CHST3: variants seen among roughly 807,000 people sequenced by gnomAD.
CHST3 encodes carbohydrate sulfotransferase 3.
CHST3 carries 20 observed loss-of-function variants against 35.4 expected under a neutral mutation model. The ratio of observed to expected loss-of-function variants is 0.57; its 90% CI spans 0.40 to 0.82. The LOEUF is 0.82. CHST3 is among the 40% of genes least tolerant of loss of function. CHST3 has a pLI of 0.00. For missense variants in CHST3, 693 were observed against 670.1 expected, an observed-to-expected ratio of 1.03 and a Z score of -0.38; for synonymous variants, 334 against 295.9, an observed-to-expected ratio of 1.13 and a Z score of -1.32.
Position 72,008,472 on chromosome 10 carries a change from G to T in CHST3, c.*1G>T, listed in dbSNP as rs995350964. The T allele has an allele frequency of 5.2e-6, 8 of 1,533,312 alleles. No homozygotes were observed. The highest frequency in any genetic ancestry group is 1.2e-5 in the South Asian group (1 of 81,226). 95.0% of individuals were successfully genotyped at this position (1,533,312 alleles called of 1,614,324 possible). ...GAGGGGCACCTTCTGGGTCACGTAG[G>T]GGGGCCGGGGCCCCGTATGCCCCTC... On this transcript the variant is annotated 3_prime_UTR_variant, in exon 3 of 3. Coordinates refer to ENST00000373115, the MANE Select transcript of CHST3 (RefSeq NM_004273.5).
chr10:71,996,898 G>GTTGGT (rs1839944709), intron 1 of CHST3, among the ~76,000 whole-genome samples: 1 of 151,958 alleles, frequency 6.6e-6, no homozygotes, highest in African/African-American at 2.4e-5. Flanking sequence ...TCCTGGGTTG[G>GTTGGT]TTGGTTTGTT....
chr10:71,969,841 T>G (rs1344245702), intron 1 of CHST3, among the ~76,000 whole-genome samples: 2 of 152,144 alleles, frequency 1.3e-5, no homozygotes, highest in Non-Finnish European at 2.9e-5. Context: ...TGCTGGGAAC[T>G]CCTAGAGTGG....
In CHST3 at chr10:72,009,835, G is replaced by C. The variant is rs1840090800; in HGVS notation, c.*1364G>C. On this transcript the variant is annotated 3_prime_UTR_variant, in exon 3 of 3. Transcript: ENST00000373115. ...TGGCTTGGTGTCTTTCTTGTTTCAT[G>C]GCTGTGTTTTTGCTTTTGTTTCTGT... 6.5e-6 allele frequency: 1 copy of C among 152,910 alleles called. No homozygotes were observed. The highest frequency in any genetic ancestry group is 1.9e-4 in the East Asian group (1 of 5,204). 9.5% of individuals were successfully genotyped at this position (152,910 alleles called of 1,614,324 possible).
intron 1 of CHST3, among the ~76,000 whole-genome samples, chr10:72,003,094 C>A (rs116322442): frequency 3.3e-5 from 5 of 152,174 alleles, no homozygotes; most frequent in Non-Finnish European, 7.3e-5. Flanking sequence ...AGTTTCCTCA[C>A]CTGTAAAATG....
At chr10:71,987,421 A>G (rs1274928836) in intron 1 of CHST3, among the ~76,000 whole-genome samples, 7 of 152,156 alleles carry the variant, frequency 4.6e-5, no homozygotes, top group African/African-American at 1.4e-4. Context: ...GCCACTGTAT[A>G]GAAACAGAGG....
At chr10:72,007,094 C>T in intron 2 of CHST3, 78 bp from the exon 3 acceptor site, 1 of 1,519,968 alleles carries the variant, frequency 6.6e-7, no homozygotes, top group South Asian at 1.2e-5. Context: ...TGGTGATCTG[C>T]TTGGAGGACT....
At chr10:71,982,006 G>T (rs549980988) in intron 1 of CHST3, among the ~76,000 whole-genome samples, 1 of 152,302 alleles carries the variant, frequency 6.6e-6, no homozygotes, top group East Asian at 1.9e-4. Context: ...ATTTAACTTG[G>T]AGTACCCCAT....
intron 1 of CHST3, among the ~76,000 whole-genome samples, chr10:71,987,141 A>T (rs1294410249): frequency 6.6e-6 from 1 of 152,158 alleles, no homozygotes; most frequent in Non-Finnish European, 1.5e-5. Flanking sequence ...GTCAGAGGAT[A>T]GCAGCAGACA....
chr10:71,977,500 A>G (rs773932643), intron 1 of CHST3, among the ~76,000 whole-genome samples: 3 of 143,394 alleles, frequency 2.1e-5, no homozygotes, highest in Non-Finnish European at 3.0e-5. Context: ...CCCAGGCTGG[A>G]GTGCATTGGT....
chr10:71,985,922 C>T (rs1839843453), intron 1 of CHST3, among the ~76,000 whole-genome samples: 1 of 152,272 alleles, frequency 6.6e-6, no homozygotes, highest in Non-Finnish European at 1.5e-5. Context: ...AGTCTGTTCT[C>T]CATTCTTACA....
rs748812857 is a variant in CHST3 at position 72,007,571 on chromosome 10, C to T, written c.540C>T (p.Asn180=). ...TGTCCTTCGAGCCGGGGGGCGCCAA[C>T]GCCGCGGGCTCGGCCCTGGTGTACC... is the stretch of plus-strand genomic sequence containing the variant. ...RTVSFEPGGA[N]AAGSALVYRD... Residue 180 remains asparagine, a synonymous_variant, in exon 3 of 3, where the codon AAC becomes AAT. Transcript: ENST00000373115. 60 of 1,607,924 alleles carry T rather than the reference C, an allele frequency of 3.7e-5. No homozygotes were observed. The Middle Eastern group carries it at 6.6e-4, about 18-fold the overall frequency.
intron 1 of CHST3, among the ~76,000 whole-genome samples, chr10:71,976,493 A>G (rs987993994): frequency 9.9e-5 from 15 of 152,108 alleles, no homozygotes; most frequent in African/African-American, 3.4e-4. Context: ...GAATGCTGAT[A>G]AGTTCACAGT....
At chr10:71,998,361 G>A (rs550743357) in intron 1 of CHST3, among the ~76,000 whole-genome samples, 78 of 152,310 alleles carry the variant, frequency 5.1e-4, no homozygotes, top group African/African-American at 1.6e-3. Flanking sequence ...TGTCCAGGTC[G>A]GTTCTGAATG....
chr10:71,998,128 G>A (rs1057176162), intron 1 of CHST3, among the ~76,000 whole-genome samples: 1 of 152,280 alleles, frequency 6.6e-6, no homozygotes, highest in South Asian at 2.1e-4. Flanking sequence ...GACAGAGTGC[G>A]ACCCTGTCCC....
chr10:71,978,806 C>G (rs1261359993), intron 1 of CHST3, among the ~76,000 whole-genome samples: 1 of 152,214 alleles, frequency 6.6e-6, no homozygotes, highest in Non-Finnish European at 1.5e-5. Flanking sequence ...CTCTGTTGAG[C>G]CTTTGGAAAT....
In CHST3 at chr10:72,010,652, T is replaced by A. The variant is rs1310900061; in HGVS notation, c.*2181T>A. The stretch of plus-strand genomic sequence containing the variant: ...CACCCCAACACTCTTGGTTTTAGAG[T>A]CCAAGAGTAAGTTGTGCAGAGACAT... On this transcript the variant is annotated 3_prime_UTR_variant, in exon 3 of 3. Transcript: ENST00000373115. The A allele has an allele frequency of 6.6e-6, 1 of 152,176 alleles. No individual in the cohort carries two copies. The highest frequency in any genetic ancestry group is 1.5e-5 in the Non-Finnish European group (1 of 68,036). 9.4% of individuals were successfully genotyped at this position (152,176 alleles called of 1,614,324 possible). A position where few individuals can be genotyped will look rare whatever the true frequency, so the allele number is the denominator to read the frequency against.
At position 71,987,926 on chromosome 10, in the gene CHST3, T is replaced by C. The variant is rs116673431; in HGVS notation, c.-107-17810T>C. Among the ~76,000 whole-genome samples the C allele has an allele frequency of 3.0e-3, 452 of 152,136 alleles. 5 individuals carry two copies. The highest frequency in any genetic ancestry group is 0.01 in the African/African-American group (429 of 41,482). On this transcript the variant is annotated intron_variant, in intron 1 of 2. Coordinates refer to ENST00000373115, the MANE Select transcript of CHST3 (RefSeq NM_004273.5). ...TTTCTCTACCCGGTTATCTCAGAAA[T>C]CCTGTAATGGAGCCGTCTTTCCAGA...
intron 1 of CHST3, among the ~76,000 whole-genome samples, chr10:71,997,209 C>T (rs1342034120): frequency 2.6e-5 from 4 of 152,100 alleles, no homozygotes; most frequent in Non-Finnish European, 5.9e-5. Context: ...AACATCAACC[C>T]CCCGGCCCTT....
Position 72,010,777 on chromosome 10 carries a change from G to GC in CHST3, c.*2308dup, listed in dbSNP as rs1389565849. On this transcript the variant is annotated 3_prime_UTR_variant, in exon 3 of 3. Transcript: ENST00000373115. ...CAGAAGTGCTGGCCGTTCTTCCCCA[G>GC]CCTCCCCACTGCTCCCTCCTCTGTT... 1.3e-5 allele frequency: 2 copies of GC among 152,198 alleles called. No homozygotes were observed. The highest frequency in any genetic ancestry group is 2.9e-5 in the Non-Finnish European group (2 of 68,064). The allele number at this position is 152,198 out of a possible 1,614,324, so 9.4% of individuals were successfully genotyped here.
Sources: allele counts gnomAD v4.1 joint callset (sites outside exome capture counted in the v4.1 genomes callset), GRCh38; gene constraint gnomAD v4.1.1; transcripts MANE v1.5; gene names NCBI Gene and HGNC (gene_info 2026-07-23, HGNC 2026-07-21).